The following GSG1L variants were observed in gnomAD, a reference collection of about 807,000 sequenced individuals.
The protein encoded by GSG1L is germ cell-specific gene 1-like protein.
A neutral mutation model predicts 42.1 loss-of-function variants in GSG1L; 24 were observed. That is an observed-to-expected ratio of 0.57 (90% confidence interval 0.41 to 0.80). The LOEUF (loss-of-function observed/expected upper bound fraction) is 0.80, where lower values mean the gene tolerates loss of function less well. Among genes scored for constraint, GSG1L ranks in the 30% least tolerant of loss-of-function variants. The probability of loss-of-function intolerance (pLI) is 0.00; values close to 1 mark genes in which losing one functional copy is unlikely to be tolerated. For missense variants in GSG1L, 445 were observed against 472.2 expected (o/e 0.94, Z 0.53); for synonymous variants, 215 against 203.5 (o/e 1.06, Z -0.48).
intron 2 of GSG1L, among the ~76,000 whole-genome samples, chr16:27,920,805 G>A (rs764832487): frequency 9.2e-5 from 14 of 152,214 alleles, no homozygotes; most frequent in African/African-American, 1.9e-4. Context: ...CACAGCAGGC[G>A]TGTCCAGACA....
At chr16:28,020,106 T>A (rs2085823558) in intron 1 of GSG1L, among the ~76,000 whole-genome samples, 1 of 152,192 alleles carries the variant, frequency 6.6e-6, no homozygotes, top group African/African-American at 2.4e-5. Flanking sequence ...GCAGAGACAT[T>A]GATGTGGCGA....
At chr16:27,894,637 G>A (rs2084169207) in intron 2 of GSG1L, among the ~76,000 whole-genome samples, 2 of 152,188 alleles carry the variant, frequency 1.3e-5, no homozygotes, top group South Asian at 4.1e-4. Flanking sequence ...GGCAGCTGCT[G>A]TTTGCAAAAT....
At chr16:27,862,762 C>G (rs1159305396) in intron 3 of GSG1L, among the ~76,000 whole-genome samples, 1 of 152,172 alleles carries the variant, frequency 6.6e-6, no homozygotes, top group Non-Finnish European at 1.5e-5. Context: ...TGGCTGCAGC[C>G]AGTTTCTCTT....
At chr16:28,016,242 G>A (rs1392415749) in intron 1 of GSG1L, among the ~76,000 whole-genome samples, 1 of 152,140 alleles carries the variant, frequency 6.6e-6, no homozygotes, top group African/African-American at 2.4e-5. Flanking sequence ...GCCCACCTCA[G>A]CCTCCTAAAG....
intron 1 of GSG1L, among the ~76,000 whole-genome samples, chr16:27,970,720 G>A (rs959413595): frequency 1.3e-5 from 2 of 151,922 alleles, no homozygotes; most frequent in African/African-American, 2.4e-5. Flanking sequence ...TACCTAAGAA[G>A]GGTGTGCCTA....
chr16:27,807,246 C>A (rs2082975666), intron 6 of GSG1L, among the ~76,000 whole-genome samples: 1 of 152,230 alleles, frequency 6.6e-6, no homozygotes, highest in Admixed American at 6.5e-5. Context: ...CTCCCTGGAA[C>A]TCCAGTCTCT....
intron 5 of GSG1L, among the ~76,000 whole-genome samples, chr16:27,824,166 C>T (rs989635483): frequency 2.6e-5 from 4 of 152,220 alleles, no homozygotes; most frequent in African/African-American, 9.6e-5. Context: ...AAAAGCCCTC[C>T]ATGTGCCAGG....
intron 3 of GSG1L, among the ~76,000 whole-genome samples, chr16:27,865,759 G>A (rs142840140): frequency 1.8e-4 from 27 of 151,622 alleles, no homozygotes; most frequent in African/African-American, 6.3e-4. Context: ...CTGGAGTGCA[G>A]TGGTGCAATC....
At chr16:28,003,010 A>C (rs1225447084) in intron 1 of GSG1L, among the ~76,000 whole-genome samples, 2 of 152,230 alleles carry the variant, frequency 1.3e-5, no homozygotes, top group Non-Finnish European at 2.9e-5. Context: ...AGGCACAGCA[A>C]GTCCAAAAGC....
chr16:27,807,571 A>AT lies in GSG1L; in HGVS notation c.831-18_831-17insA, dbSNP rs757960551. On this transcript the variant is annotated splice_polypyrimidine_tract_variant and intron_variant, in intron 5 of 6. Coordinates refer to ENST00000447459, the MANE Select transcript of GSG1L (RefSeq NM_001109763.2). ...TTCTCCATCCTGGAAAGAAAAAAAA[A>AT]CAAAAACAAAATCCTAGGTAGGAAA... 3 of 1,605,864 alleles carry AT rather than the reference A, an allele frequency of 1.9e-6. No homozygotes were observed. The highest frequency in any genetic ancestry group is 2.2e-5 in the South Asian group (2 of 90,436).
rs73522812 is a variant in GSG1L, at chr16:28,059,487, C to G, written c.349+3589G>C. On this transcript the variant is annotated intron_variant, in intron 1 of 6. Transcript: ENST00000447459. This position sits in a 1 kb window ranked among gnomAD's most constrained non-coding sequence, Gnocchi z 4.4. ...TCCCCCAAGACCCCTCCACCTCCCC[C>G]CAATCTTCCCAAGCCACCCCTTTCC... Among the ~76,000 whole-genome samples, 42,215 of 151,186 alleles carry G rather than the reference C, an allele frequency of 0.28. 6,178 individuals carry two copies. Among genetic ancestry groups the G allele is most frequent in the East Asian group, 0.37 (1,849 of 5,060 alleles).
chr16:27,905,948 A>C (rs1038675706), intron 2 of GSG1L, among the ~76,000 whole-genome samples: 2 of 152,066 alleles, frequency 1.3e-5, no homozygotes, highest in Non-Finnish European at 2.9e-5. Flanking sequence ...ATCTAGACGC[A>C]CCAACTTCAG....
rs576152180 is a variant in GSG1L at position 27,808,823 on chromosome 16, C to T, written c.831-1269G>A. ...TCCATCATCTCAGGGTTGTGGTGGT[C>T]CCAGAGCGAGCAGCCTCTGCGGGGT... On this transcript the variant is annotated intron_variant, in intron 5 of 6. Transcript: ENST00000447459. Among the ~76,000 whole-genome samples the T allele has an allele frequency of 1.7e-3, 261 of 152,296 alleles. 2 individuals are homozygous for T. The highest frequency in any genetic ancestry group is 2.6e-3 in the Non-Finnish European group (177 of 68,014).
At chr16:27,911,266 G>GCTCGCTCGCTCTCTCTCTCTCTCT (rs568864667) in intron 2 of GSG1L, among the ~76,000 whole-genome samples, 3 of 122,058 alleles carry the variant, frequency 2.5e-5, no homozygotes, top group Admixed American at 1.5e-4. Flanking sequence ...CCTCTCTCTC[G>GCTCGCTCGCTCTCTCTCTCTCTCT]CTCTCTCTCT....
At chr16:27,792,262 G>A (rs1271883079) in intron 6 of GSG1L, among the ~76,000 whole-genome samples, 2 of 152,174 alleles carry the variant, frequency 1.3e-5, no homozygotes, top group African/African-American at 4.8e-5. Context: ...CCAAGTCCTT[G>A]CTGGACCCCA....
rs115249609 is a variant in GSG1L at position 27,966,481 on chromosome 16, A to G, written c.350-3278T>C. Among the ~76,000 whole-genome samples, 413 of 151,562 alleles carry G rather than the reference A, an allele frequency of 2.7e-3. 3 individuals are homozygous for G. Among genetic ancestry groups the G allele is most frequent in the African/African-American group, 9.8e-3 (404 of 41,356 alleles). On this transcript the variant is annotated intron_variant, in intron 1 of 6. Coordinates refer to ENST00000447459, the MANE Select transcript of GSG1L (RefSeq NM_001109763.2). The stretch of plus-strand genomic sequence containing the variant: ...ACTCCAGCCTGGGCAACAGAGCAAG[A>G]CCCCATCTAGGAAAAAGGAAACAAA...
At chr16:27,927,892 G>A (rs1421272454) in intron 2 of GSG1L, among the ~76,000 whole-genome samples, 7 of 152,144 alleles carry the variant, frequency 4.6e-5, no homozygotes, top group Admixed American at 4.6e-4. Context: ...CGTGTGGGGT[G>A]GGGAGTGGCC....
At chr16:28,051,763 T>C (rs772463290) in intron 1 of GSG1L, among the ~76,000 whole-genome samples, 4 of 152,040 alleles carry the variant, frequency 2.6e-5, no homozygotes, top group Non-Finnish European at 5.9e-5. Flanking sequence ...TCATGGGAGA[T>C]GGGGCAGAGA....
rs145234113 is a variant in GSG1L, at chr16:28,045,338, C to T, written c.349+17738G>A. On this transcript the variant is annotated intron_variant, in intron 1 of 6. Coordinates refer to ENST00000447459, the MANE Select transcript of GSG1L (RefSeq NM_001109763.2). ...AAGAAAGGGGGGATATGGGATGTGT[C>T]GATACTCCATGCTCAATTTTGCTGT... Among the ~76,000 whole-genome samples, 25 of 152,136 alleles carry T rather than the reference C, an allele frequency of 1.6e-4. No homozygotes were observed. In the East Asian group the frequency reaches 4.3e-3, roughly 26 times the overall value.
Sources: allele counts gnomAD v4.1 joint callset (sites outside exome capture counted in the v4.1 genomes callset), GRCh38; gene constraint gnomAD v4.1.1; non-coding constraint Gnocchi (gnomAD v3.1); transcripts MANE v1.5; gene names NCBI Gene and HGNC (gene_info 2026-07-23, HGNC 2026-07-21).